KIAA1671: variants seen among roughly 807,000 people sequenced by gnomAD.
KIAA1671 encodes the protein uncharacterized protein KIAA1671.
Under a neutral mutation model 131.2 loss-of-function variants are expected in KIAA1671, and 52 were observed. That is an observed-to-expected ratio of 0.40 (90% CI 0.32 to 0.50). The LOEUF (loss-of-function observed/expected upper bound fraction) is 0.50, where lower values mean the gene tolerates loss of function less well. Among genes scored for constraint, KIAA1671 ranks in the 20% least tolerant of loss-of-function variants. The probability of loss-of-function intolerance (pLI) is 0.73; values close to 1 mark genes in which losing one functional copy is unlikely to be tolerated. For missense variants in KIAA1671, 2,360 were observed against 2,364.2 expected, an observed-to-expected ratio of 1.00 and a Z score of 0.04; for synonymous variants, 1,003 against 961.6, an observed-to-expected ratio of 1.04 and a Z score of -0.80.
rs1327227016 is a variant in KIAA1671 at position 25,040,317 on chromosome 22, TCTC to T, written c.3191_3193del (p.Pro1064del). ...TTCTAGAAAAATCACTCCACCCTCG[TCTC>T]CTCATTCTTTAACATCCACTTTGGT... On this transcript the variant is annotated inframe_deletion, in exon 5 of 13. Transcript: ENST00000358431. The T allele has an allele frequency of 6.4e-7, 1 of 1,551,728 alleles. No homozygotes were observed. Among genetic ancestry groups the T allele is most frequent in the East Asian group, 2.4e-5 (1 of 40,916 alleles).
At chr22:25,161,396 A>G (rs897117402) in intron 6 of KIAA1671, among the ~76,000 whole-genome samples, 1 of 152,256 alleles carries the variant, frequency 6.6e-6, no homozygotes, top group African/African-American at 2.4e-5. Context: ...GTGCCATCTG[A>G]AGGATGAGTG....
chr22:25,040,985 G>A lies in KIAA1671; in HGVS notation c.3855G>A (p.Glu1285=), dbSNP rs1222736434. 8 of 1,475,472 alleles carry A rather than the reference G, an allele frequency of 5.4e-6. No homozygotes were observed. In the African/African-American group the frequency reaches 7.1e-5, roughly 13 times the overall value. 91.4% of individuals were successfully genotyped at this position (1,475,472 alleles called of 1,614,324 possible). ...GLGKQLAETL[E]TAMGTKSSPP... is the part of the protein sequence containing the mutation. ...GCAAGCAGCTGGCAGAGACCTTGGAGACAGCCATGGGCACCAAATCTAGCC... is the reference window on the plus strand; with the variant it reads ...GCAAGCAGCTGGCAGAGACCTTGGAAACAGCCATGGGCACCAAATCTAGCC... Residue 1285 remains glutamate, a synonymous_variant, in exon 5 of 13, where the codon GAG becomes GAA. Coordinates refer to ENST00000358431, the MANE Select transcript of KIAA1671 (RefSeq NM_001145206.2).
At chr22:25,098,469 T>C (rs1391248788) in intron 6 of KIAA1671, among the ~76,000 whole-genome samples, 1 of 152,058 alleles carries the variant, frequency 6.6e-6, no homozygotes, top group East Asian at 1.9e-4. Flanking sequence ...AAATAAACAA[T>C]TAGGGAAATA....
chr22:25,062,824 G>GCCCCCCCCCCCCC (rs1928236913), intron 6 of KIAA1671: 2 of 9,498 alleles, frequency 2.1e-4, no homozygotes, highest in African/African-American at 4.4e-4. Flanking sequence ...ACCCACCCCC[G>GCCCCCCCCCCCCC]CCCCCCGCCA....
At position 25,156,012 on chromosome 22, in the gene KIAA1671, C is replaced by CTTTTTTTTTTTT. The variant is rs57822676; in HGVS notation, c.4531-14792_4531-14781dup. Among the ~76,000 whole-genome samples, 6 of 35,344 alleles carry CTTTTTTTTTTTT rather than the reference C, an allele frequency of 1.7e-4. 2 individuals are homozygous for CTTTTTTTTTTTT. Among genetic ancestry groups the CTTTTTTTTTTTT allele is most frequent in the Non-Finnish European group, 2.0e-4 (3 of 15,020 alleles). The allele number at this position is 35,344 out of a possible 152,430, so 23.2% of individuals were successfully genotyped here. ...TTTTGTGCATGTATGTGTGTATGTGCTTTTTTTTTTTTTTTTTTTTTTTTT... is the reference window on the plus strand; with the variant it reads ...TTTTGTGCATGTATGTGTGTATGTGCTTTTTTTTTTTTTTTTTTTTTTTTTTTTTTTTTTTTT... On this transcript the variant is annotated intron_variant, in intron 6 of 12. Coordinates refer to ENST00000358431, the MANE Select transcript of KIAA1671 (RefSeq NM_001145206.2).
chr22:24,973,681 C>A (rs1212992381), intron 1 of KIAA1671, among the ~76,000 whole-genome samples: 1 of 151,870 alleles, frequency 6.6e-6, no homozygotes, highest in Non-Finnish European at 1.5e-5. Context: ...CAGGCATGAG[C>A]CACCATGCCT....
intron 6 of KIAA1671, chr22:25,112,194 A>G (rs1931398128): frequency 1.0e-5 from 4 of 398,888 alleles, no homozygotes; most frequent in South Asian, 1.3e-4. Flanking sequence ...TACCTGGGAG[A>G]TAAACTCACA....
At chr22:25,137,029 A>G (rs1002820790) in intron 6 of KIAA1671, among the ~76,000 whole-genome samples, 2 of 152,164 alleles carry the variant, frequency 1.3e-5, no homozygotes, top group African/African-American at 4.8e-5. Context: ...TATTCTGTTC[A>G]AAGATAACCA....
In KIAA1671 at chr22:25,057,516, G is replaced by A. The variant is rs907155795; in HGVS notation, c.4530+8152G>A. Reference sequence around the variant, plus strand: ...GAGGCTCCCCTCACTGTTGGAAGGAGACCCAGGAGAGTGAACCTTTTCCAC... The same window carrying A: ...GAGGCTCCCCTCACTGTTGGAAGGAAACCCAGGAGAGTGAACCTTTTCCAC... On this transcript the variant is annotated intron_variant, in intron 6 of 12. Transcript: ENST00000358431. 160 of 145,402 alleles carry A rather than the reference G, an allele frequency of 1.1e-3. 1 individual carries two copies. Among genetic ancestry groups the A allele is most frequent in the African/African-American group, 3.8e-3 (155 of 40,536 alleles). The allele number at this position is 145,402 out of a possible 1,614,324, so 9.0% of individuals were successfully genotyped here.
intron 9 of KIAA1671, among the ~76,000 whole-genome samples, chr22:25,177,778 A>T (rs1372232886): frequency 2.5e-4 from 38 of 152,304 alleles, no homozygotes. Context: ...AGCTGCCACC[A>T]TGAGTAATAT....
chr22:25,156,641 C>G (rs1162789214), intron 6 of KIAA1671, among the ~76,000 whole-genome samples: 1 of 151,914 alleles, frequency 6.6e-6, no homozygotes, highest in Non-Finnish European at 1.5e-5. Flanking sequence ...TGTGTATATA[C>G]TCATGTATGT....
At chr22:25,022,333 T>G (rs1201447698) in intron 1 of KIAA1671, among the ~76,000 whole-genome samples, 1 of 152,212 alleles carries the variant, frequency 6.6e-6, no homozygotes, top group Non-Finnish European at 1.5e-5. Context: ...GGAGAAAAGC[T>G]GCCAAACTGT....
chr22:24,990,679 C>A (rs1180339560), intron 1 of KIAA1671, among the ~76,000 whole-genome samples: 1 of 152,248 alleles, frequency 6.6e-6, no homozygotes, highest in South Asian at 2.1e-4. Flanking sequence ...CTGCTCACGT[C>A]CTGGCCTTGC....
At chr22:25,004,453 A>G (rs1924634908) in intron 1 of KIAA1671, among the ~76,000 whole-genome samples, 1 of 152,196 alleles carries the variant, frequency 6.6e-6, no homozygotes, top group South Asian at 2.1e-4. Flanking sequence ...ATGTTTTAAA[A>G]TTTAACTTTT....
At position 25,041,332 on chromosome 22, in the gene KIAA1671, T is replaced by C; in HGVS notation, c.4202T>C (p.Val1401Ala). 1 of 1,551,442 alleles carries C rather than the reference T, an allele frequency of 6.4e-7. No individual in the cohort carries two copies. Among genetic ancestry groups the C allele is most frequent in the Non-Finnish European group, 8.7e-7 (1 of 1,146,944 alleles). The change falls in exon 5 of 13, where the codon GTG becomes GCG. Residue 1401 changes from valine to alanine, a missense_variant. Coordinates refer to ENST00000358431, the MANE Select transcript of KIAA1671 (RefSeq NM_001145206.2). The part of the protein sequence containing the change: ...WGDHPRDCGR[V>A]PLDIKRAYSE... ...GACCACCCACGTGACTGTGGACGGG[T>C]GCCGCTGGATATCAAGAGGGCCTAC...
intron 7 of KIAA1671, among the ~76,000 whole-genome samples, chr22:25,173,183 T>C (rs949819088): frequency 3.3e-5 from 5 of 152,144 alleles, no homozygotes; most frequent in African/African-American, 1.2e-4. Context: ...CTCACTATCA[T>C]GAGAACAGCA....
At chr22:24,986,235 C>T (rs1602045803) in intron 1 of KIAA1671, among the ~76,000 whole-genome samples, 1 of 152,124 alleles carries the variant, frequency 6.6e-6, no homozygotes, top group African/African-American at 2.4e-5. Flanking sequence ...TAAGGGATGA[C>T]GCTTGTGGCT....
chr22:24,993,392 G>C (rs1343549299), intron 1 of KIAA1671, among the ~76,000 whole-genome samples: 1 of 152,198 alleles, frequency 6.6e-6, no homozygotes, highest in Non-Finnish European at 1.5e-5. Flanking sequence ...CTCCAGCTGT[G>C]CAAGCAGAAA....
At chr22:25,164,382 CAG>C (rs780121950) in intron 6 of KIAA1671, among the ~76,000 whole-genome samples, 5 of 152,214 alleles carry the variant, frequency 3.3e-5, no homozygotes, top group Admixed American at 6.5e-5. Context: ...TGAATGGACT[CAG>C]GGGGTCCGTC....
Sources: allele counts gnomAD v4.1 joint callset (sites outside exome capture counted in the v4.1 genomes callset), GRCh38; gene constraint gnomAD v4.1.1; transcripts MANE v1.5; gene names NCBI Gene and HGNC (gene_info 2026-07-23, HGNC 2026-07-21).